ADGRE3: variants seen among roughly 807,000 people sequenced by gnomAD.
ADGRE3 encodes the protein EGF-like module receptor 3.
In ADGRE3, 88 loss-of-function variants were observed where a neutral mutation model predicts 80.1. The observed-to-expected ratio is 1.10, with a 90% CI of 0.93 to 1.31. ADGRE3 has a LOEUF of 1.31. Among genes scored for constraint, ADGRE3 ranks in the 40% most tolerant of loss-of-function variants. ADGRE3 has a pLI of 0.00. For missense variants in ADGRE3, 715 were observed against 776.5 expected (o/e 0.92, Z 0.94); for synonymous variants, 281 against 294.8 (o/e 0.95, Z 0.48).
At chr19:14,619,502 G>A in intron 15 of ADGRE3, 31 bp from the exon 16 acceptor site, 1 of 1,542,422 alleles carries the variant, frequency 6.5e-7, no homozygotes, top group Non-Finnish European at 8.9e-7. Context: ...AAAGGTGGAT[G>A]TAAGGGTAAA....
Position 14,641,627 on chromosome 19 carries a change from G to T in ADGRE3, c.1051-11C>A, listed in dbSNP as rs1305209254. The T allele has an allele frequency of 6.2e-7, 1 of 1,613,608 alleles. No homozygotes were observed. Among genetic ancestry groups the T allele is most frequent in the South Asian group, 1.1e-5 (1 of 91,014 alleles). ...CACGGGATCCTCCTCCTGGGACCGA[G>T]AAAAAAAGTTCACAGTGATGCTTTC... On this transcript the variant is annotated splice_polypyrimidine_tract_variant and intron_variant, in intron 9 of 15. Transcript: ENST00000253673.
In ADGRE3 at chr19:14,620,543, ATATAT is replaced by A. The variant is rs1351738129; in HGVS notation, c.1921-1077_1921-1073del. On this transcript the variant is annotated intron_variant, in intron 15 of 15. Transcript: ENST00000253673. Reference sequence around the variant, plus strand: ...ATATATGAATATATATATTTTATATATATATTATATATATATATATATATATTTTT... The same window carrying A: ...ATATATGAATATATATATTTTATATATATATATATATATATATATATTTTT... 5.5e-3 allele frequency among the ~76,000 whole-genome samples: 89 copies of A among 16,052 alleles called. 12 individuals carry two copies. The highest frequency in any genetic ancestry group is 0.021 in the African/African-American group (57 of 2,760). 10.5% of individuals were successfully genotyped at this position (16,052 alleles called of 152,430 possible).
At chr19:14,673,040 T>G (rs1015351241) in intron 1 of ADGRE3, among the ~76,000 whole-genome samples, 11 of 152,046 alleles carry the variant, frequency 7.2e-5, no homozygotes, top group African/African-American at 2.7e-4. Context: ...TGGAGGACTC[T>G]GTCTCCAGTT....
intron 3 of ADGRE3, 86 bp downstream of exon 3, chr19:14,663,332 T>C (rs1972003163): frequency 1.2e-6 from 1 of 858,328 alleles, no homozygotes; most frequent in Admixed American, 3.5e-5. Flanking sequence ...GCCACAGCAG[T>C]CCAGCCTGGG....
intron 7 of ADGRE3, among the ~76,000 whole-genome samples, chr19:14,650,583 C>T (rs1435798824): frequency 6.6e-6 from 1 of 151,314 alleles, no homozygotes; most frequent in Non-Finnish European, 1.5e-5. Flanking sequence ...TCTGCCTCTC[C>T]ACATCTGTTT....
At chr19:14,669,471 C>T (rs1972193907) in intron 1 of ADGRE3, among the ~76,000 whole-genome samples, 1 of 152,004 alleles carries the variant, frequency 6.6e-6, no homozygotes, top group Non-Finnish European at 1.5e-5. Context: ...GCAGGTGTCG[C>T]TTTGATATAA....
chr19:14,674,731 T>G lies in ADGRE3; in HGVS notation c.25+15A>C, dbSNP rs1405567037. Reference sequence around the variant, plus strand: ...GGATAGGTTAAGCCTCAGTCATTGTTACAGTCACACATACCTGGAAGAAGC... The same window carrying G: ...GGATAGGTTAAGCCTCAGTCATTGTGACAGTCACACATACCTGGAAGAAGC... On this transcript the variant is annotated intron_variant, in intron 1 of 15. Transcript: ENST00000253673. 1 of 1,613,072 alleles carries G rather than the reference T, an allele frequency of 6.2e-7. No homozygotes were observed.
At chr19:14,605,459 A>G in the ADGRE3 span, among the ~76,000 whole-genome samples, 8 of 152,168 alleles carry the variant, frequency 5.3e-5, no homozygotes, top group Admixed American at 5.2e-4. Context: ...TGTGATTTGC[A>G]TATAGTAAAA....
At chr19:14,639,323 T>C (rs1227361604) in intron 10 of ADGRE3, among the ~76,000 whole-genome samples, 1 of 152,184 alleles carries the variant, frequency 6.6e-6, no homozygotes, top group Non-Finnish European at 1.5e-5. Flanking sequence ...TACCCCATAA[T>C]TTTATACATT....
intron 14 of ADGRE3, chr19:14,628,648 T>A: frequency 3.0e-6 from 1 of 336,582 alleles, no homozygotes; most frequent in East Asian, 9.2e-5. Flanking sequence ...GTTCAAGACC[T>A]CATCATGCCC....
chr19:14,658,484 G>A (rs1971840573), intron 5 of ADGRE3, 29 bp downstream of exon 5: 1 of 1,516,410 alleles, frequency 6.6e-7, no homozygotes, highest in East Asian at 2.6e-5. Context: ...TGTTACCTGG[G>A]AAGGGTCTGG....
chr19:14,633,188 C>T, intron 12 of ADGRE3, 48 bp downstream of exon 12: 1 of 1,546,212 alleles, frequency 6.5e-7, no homozygotes, highest in Non-Finnish European at 8.9e-7. Flanking sequence ...GTACCCAGCA[C>T]TTCTCTTGGT....
At chr19:14,660,717 T>A (rs1971924539) in intron 4 of ADGRE3, among the ~76,000 whole-genome samples, 1 of 152,036 alleles carries the variant, frequency 6.6e-6, no homozygotes, top group Non-Finnish European at 1.5e-5. Context: ...TCATATAGAC[T>A]TTCCCATCCA....
intron 8 of ADGRE3, 138 bp from the exon 9 acceptor site, chr19:14,644,413 T>C (rs1286227958): frequency 7.6e-6 from 4 of 525,280 alleles, no homozygotes; most frequent in Non-Finnish European, 1.3e-5. Context: ...CTCCGCTTCC[T>C]GGGTTCAAGC....
intron 2 of ADGRE3, among the ~76,000 whole-genome samples, chr19:14,665,965 T>C (rs1057242808): frequency 2.4e-4 from 31 of 128,946 alleles, no homozygotes; most frequent in South Asian, 7.2e-4. Context: ...TATATATATA[T>C]ATATATATAT....
intron 1 of ADGRE3, among the ~76,000 whole-genome samples, chr19:14,670,642 G>A (rs1972231706): frequency 6.6e-6 from 1 of 152,190 alleles, no homozygotes; most frequent in African/African-American, 2.4e-5. Flanking sequence ...CTTCTGCAAA[G>A]ACCTAAAGAT....
At chr19:14,640,874 T>C (rs923746803) in intron 10 of ADGRE3, among the ~76,000 whole-genome samples, 2 of 152,196 alleles carry the variant, frequency 1.3e-5, no homozygotes, top group South Asian at 2.1e-4. Flanking sequence ...GCAGCCACCA[T>C]GTAAGAAGTG....
chr19:14,638,711 G>A lies in ADGRE3; in HGVS notation c.1249-371C>T, dbSNP rs145614977. On this transcript the variant is annotated intron_variant, in intron 10 of 15. Coordinates refer to ENST00000253673, the MANE Select transcript of ADGRE3 (RefSeq NM_032571.5). ...GTGCCACCTCCACCTATGCCACTTT[G>A]CAACAGATCACCAGAATTTACCCCT... Among the ~76,000 whole-genome samples, 195 of 152,148 alleles carry A rather than the reference G, an allele frequency of 1.3e-3. 4 individuals carry two copies. The East Asian group carries it at 0.034, about 27-fold the overall frequency.
At chr19:14,662,782 C>A (rs1971984715) in intron 3 of ADGRE3, among the ~76,000 whole-genome samples, 1 of 151,636 alleles carries the variant, frequency 6.6e-6, no homozygotes, top group South Asian at 2.1e-4. Context: ...TGCAAATTAT[C>A]CCTGGCCAGG....
Sources: gnomAD v4.1 joint callset for allele counts (sites outside exome capture counted in the v4.1 genomes callset) on GRCh38, gnomAD v4.1.1 for gene constraint, MANE v1.5 for transcripts, NCBI Gene and HGNC (gene_info 2026-07-23, HGNC 2026-07-21) for gene names.